The following SP4 variants were observed in gnomAD, a reference collection of about 807,000 sequenced individuals.
SP4 encodes Sp4 transcription factor.
SP4 carries 19 observed loss-of-function variants against 72.8 expected under a neutral mutation model. That is an observed-to-expected ratio of 0.26 (90% confidence interval 0.18 to 0.38). SP4 has a LOEUF of 0.38. Among genes scored for constraint, SP4 ranks in the 10% least tolerant of loss-of-function variants. SP4 has a pLI of 1.00. For synonymous variants in SP4, 395 were observed against 333.1 expected (o/e 1.19, Z -2.02); for missense variants, 1,008 against 926.3 (o/e 1.09, Z -1.14).
intron 3 of SP4, among the ~76,000 whole-genome samples, chr7:21,451,197 G>A (rs139313150): frequency 5.1e-4 from 77 of 152,230 alleles, no homozygotes; most frequent in Middle Eastern, 3.4e-3. Flanking sequence ...AAACTCTGCC[G>A]TTTGCCTCTT....
intron 3 of SP4, among the ~76,000 whole-genome samples, chr7:21,452,315 T>G (rs746578731): frequency 1.3e-4 from 20 of 152,212 alleles, no homozygotes; most frequent in Non-Finnish European, 2.6e-4. Context: ...AAAATTGGCT[T>G]TGATGGAACT....
At chr7:21,492,948 C>G (rs1337629455) in intron 5 of SP4, among the ~76,000 whole-genome samples, 1 of 152,094 alleles carries the variant, frequency 6.6e-6, no homozygotes, top group Non-Finnish European at 1.5e-5. Context: ...GCCTGTAATC[C>G]CAGCACTTTG....
At chr7:21,467,851 C>T (rs1055590546) in intron 3 of SP4, among the ~76,000 whole-genome samples, 3 of 151,958 alleles carry the variant, frequency 2.0e-5, no homozygotes, top group Admixed American at 6.6e-5. Context: ...TTTTCCTGAT[C>T]AGTTATATTA....
intron 4 of SP4, among the ~76,000 whole-genome samples, chr7:21,477,833 C>T (rs1463651086): frequency 6.6e-6 from 1 of 152,174 alleles, no homozygotes; most frequent in African/African-American, 2.4e-5. Flanking sequence ...AGCCCCCTCG[C>T]CCAGCCCATT....
chr7:21,431,932 G>C (rs752063270), intron 3 of SP4, among the ~76,000 whole-genome samples: 1 of 152,162 alleles, frequency 6.6e-6, no homozygotes. Context: ...ACCTGAAGTA[G>C]GCATATATAT....
At chr7:21,494,256 T>C (rs1164365073) in intron 5 of SP4, among the ~76,000 whole-genome samples, 3 of 152,196 alleles carry the variant, frequency 2.0e-5, no homozygotes, top group Admixed American at 2.0e-4. Flanking sequence ...ACCATTCTTA[T>C]TCACCATAGT....
chr7:21,487,775 T>A (rs1393390926), intron 5 of SP4, among the ~76,000 whole-genome samples: 1 of 146,046 alleles, frequency 6.8e-6, no homozygotes, highest in African/African-American at 2.5e-5. Flanking sequence ...GTGGTGGTGG[T>A]GGTGGTGGTG....
At position 21,511,715 on chromosome 7, in the gene SP4, A is replaced by G. The variant is rs866053420; in HGVS notation, c.*446A>G. On this transcript the variant is annotated 3_prime_UTR_variant, in exon 6 of 6. Coordinates refer to ENST00000222584, the MANE Select transcript of SP4 (RefSeq NM_003112.5). Reference sequence around the variant, plus strand: ...AGAAAACAGATAGTTAACTGATGATAGGGATAATACTGTATTTCCTTAGCT... The same window carrying G: ...AGAAAACAGATAGTTAACTGATGATGGGGATAATACTGTATTTCCTTAGCT... The G allele has an allele frequency of 1.2e-4, 19 of 159,090 alleles. No individual in the cohort carries two copies. In the Middle Eastern group the frequency reaches 0.01, roughly 85 times the overall value. The allele number at this position is 159,090 out of a possible 1,614,324, so 9.9% of individuals were successfully genotyped here. A position where few individuals can be genotyped will look rare whatever the true frequency, so the allele number is the denominator to read the frequency against.
intron 3 of SP4, among the ~76,000 whole-genome samples, chr7:21,434,399 T>A (rs1782977516): frequency 6.6e-6 from 1 of 152,154 alleles, no homozygotes; most frequent in Admixed American, 6.5e-5. Context: ...TTTTATGAAA[T>A]GAGAATGTTA....
intron 3 of SP4, among the ~76,000 whole-genome samples, chr7:21,460,394 CGGT>C (rs1562601288): frequency 6.6e-6 from 1 of 151,870 alleles, no homozygotes. Context: ...TTTTTCCTCC[CGGT>C]GGGTTCGTGG....
chr7:21,448,402 C>T (rs1276641289), intron 3 of SP4, among the ~76,000 whole-genome samples: 1 of 152,130 alleles, frequency 6.6e-6, no homozygotes, highest in Non-Finnish European at 1.5e-5. Flanking sequence ...GATCATTGAG[C>T]AGTCAATCCT....
At chr7:21,455,013 A>G (rs1783718297) in intron 3 of SP4, among the ~76,000 whole-genome samples, 1 of 152,236 alleles carries the variant, frequency 6.6e-6, no homozygotes. Flanking sequence ...TGCCACATCT[A>G]GAGTTTCCCT....
chr7:21,471,219 A>AGCCACCACG, intron 3 of SP4: 2 of 464,384 alleles, frequency 4.3e-6, no homozygotes, highest in Admixed American at 4.9e-5. Context: ...AGAAATACTG[A>AGCCACCACG]CCTTATTGTG....
intron 3 of SP4, among the ~76,000 whole-genome samples, chr7:21,456,894 C>T (rs6947298): frequency 6.6e-6 from 1 of 152,110 alleles, no homozygotes; most frequent in African/African-American, 2.4e-5. Context: ...TCAGGGTGAA[C>T]TGAGAGATCA....
chr7:21,474,800 A>G (rs1026540770), intron 3 of SP4, among the ~76,000 whole-genome samples: 1 of 152,180 alleles, frequency 6.6e-6, no homozygotes, highest in Non-Finnish European at 1.5e-5. Flanking sequence ...TTACCACACC[A>G]TGCTAATTCA....
At chr7:21,476,406 A>G (rs777977003) in intron 3 of SP4, among the ~76,000 whole-genome samples, 1 of 152,018 alleles carries the variant, frequency 6.6e-6, no homozygotes, top group Non-Finnish European at 1.5e-5. Flanking sequence ...AAGCTGGTAT[A>G]TATACTAATC....
At chr7:21,501,856 C>T (rs1781871088) in intron 5 of SP4, among the ~76,000 whole-genome samples, 1 of 152,182 alleles carries the variant, frequency 6.6e-6, no homozygotes, top group Non-Finnish European at 1.5e-5. Flanking sequence ...TTTCCCAGGC[C>T]ATTTGGCTGA....
intron 5 of SP4, among the ~76,000 whole-genome samples, chr7:21,487,252 G>A (rs1197272924): frequency 6.6e-6 from 1 of 152,068 alleles, no homozygotes; most frequent in African/African-American, 2.4e-5. Flanking sequence ...AATCTGTGGT[G>A]TGCTGCTAAT....
chr7:21,505,961 C>T (rs1365408706), intron 5 of SP4, among the ~76,000 whole-genome samples: 3 of 148,896 alleles, frequency 2.0e-5, no homozygotes, highest in Non-Finnish European at 2.9e-5. Context: ...CCCTAACCCT[C>T]ACAAGGGGAT....
Sources: allele counts gnomAD v4.1 joint callset (sites outside exome capture counted in the v4.1 genomes callset), GRCh38; gene constraint gnomAD v4.1.1; transcripts MANE v1.5; gene names NCBI Gene and HGNC (gene_info 2026-07-23, HGNC 2026-07-21).